Variants in MAN1A2 observed in about 807,000 individuals in gnomAD.
MAN1A2 encodes mannosidase alpha class 1A member 2.
Under a neutral mutation model 75.7 loss-of-function variants are expected in MAN1A2, and 26 were observed. The observed-to-expected ratio is 0.34, with a 90% CI of 0.25 to 0.48. The LOEUF is 0.48. MAN1A2 is among the 20% of genes least tolerant of loss of function. The probability of loss-of-function intolerance (pLI) is 0.99; values close to 1 mark genes in which losing one functional copy is unlikely to be tolerated. For missense variants in MAN1A2, 562 were observed against 775.5 expected, an observed-to-expected ratio of 0.72 and a Z score of 3.27; for synonymous variants, 247 against 264.6, an observed-to-expected ratio of 0.93 and a Z score of 0.65.
At chr1:117,446,381 C>G (rs566729604) in intron 6 of MAN1A2, among the ~76,000 whole-genome samples, 1 of 152,060 alleles carries the variant, frequency 6.6e-6, no homozygotes, top group East Asian at 1.9e-4. Flanking sequence ...CTACACTGAT[C>G]TTATATCTTT....
At chr1:117,456,238 C>G (rs1234213288) in intron 6 of MAN1A2, among the ~76,000 whole-genome samples, 1 of 151,840 alleles carries the variant, frequency 6.6e-6, no homozygotes, top group Non-Finnish European at 1.5e-5. Flanking sequence ...ATTTGGTAGT[C>G]CATAAGGTAA....
At chr1:117,486,338 G>T (rs1650699861) in intron 8 of MAN1A2, among the ~76,000 whole-genome samples, 1 of 151,876 alleles carries the variant, frequency 6.6e-6, no homozygotes, top group Non-Finnish European at 1.5e-5. Flanking sequence ...TGGGATACAT[G>T]GAAGGTATTG....
chr1:117,429,762 A>AC (rs1268505679), intron 5 of MAN1A2, among the ~76,000 whole-genome samples: 58 of 64,432 alleles, frequency 9.0e-4, no homozygotes, highest in African/African-American at 3.5e-3. Context: ...CGGGGGGCTG[A>AC]CCCCCCCACC....
chr1:117,516,936 G>A (rs1205690870), intron 12 of MAN1A2, among the ~76,000 whole-genome samples: 3 of 152,142 alleles, frequency 2.0e-5, no homozygotes, highest in Non-Finnish European at 4.4e-5. Flanking sequence ...TACCTGAGGT[G>A]AGGGAAAGAA....
intron 1 of MAN1A2, among the ~76,000 whole-genome samples, chr1:117,370,998 A>G (rs1295205289): frequency 6.6e-6 from 1 of 151,950 alleles, no homozygotes; most frequent in Admixed American, 6.6e-5. Flanking sequence ...AAATTTTAAA[A>G]CTCTATATTG....
chr1:117,462,068 G>A (rs773172387), intron 7 of MAN1A2, among the ~76,000 whole-genome samples: 2 of 152,054 alleles, frequency 1.3e-5, no homozygotes, highest in African/African-American at 2.4e-5. Flanking sequence ...AACAAGTGTC[G>A]CACTGTGGAT....
chr1:117,452,198 T>C (rs896426844), intron 6 of MAN1A2, among the ~76,000 whole-genome samples: 7 of 151,694 alleles, frequency 4.6e-5, no homozygotes, highest in African/African-American at 1.7e-4. Flanking sequence ...TCCCAGCTAC[T>C]TGGGAGGTTG....
At chr1:117,437,044 C>A (rs546771640) in intron 5 of MAN1A2, among the ~76,000 whole-genome samples, 2 of 152,082 alleles carry the variant, frequency 1.3e-5, no homozygotes, top group Non-Finnish European at 2.9e-5. Flanking sequence ...TTTGCAGTGA[C>A]CTTCACTTGG....
At chr1:117,408,305 A>G (rs945839488) in intron 3 of MAN1A2, among the ~76,000 whole-genome samples, 15 of 146,988 alleles carry the variant, frequency 1.0e-4, no homozygotes, top group Admixed American at 6.7e-4. Context: ...TTTCTCTTAA[A>G]AAAAAAAAAA....
intron 6 of MAN1A2, among the ~76,000 whole-genome samples, chr1:117,444,662 A>G (rs936098955): frequency 2.0e-5 from 3 of 151,966 alleles, no homozygotes; most frequent in Non-Finnish European, 4.4e-5. Context: ...TTGGGCATGT[A>G]GATTTGCTTT....
intron 8 of MAN1A2, among the ~76,000 whole-genome samples, chr1:117,490,559 A>G (rs975460901): frequency 2.0e-5 from 3 of 152,068 alleles, no homozygotes; most frequent in Non-Finnish European, 2.9e-5. Context: ...AGGCCAGTTA[A>G]TAACCCTATA....
chr1:117,373,919 T>A (rs957189383), intron 1 of MAN1A2, among the ~76,000 whole-genome samples: 2 of 152,180 alleles, frequency 1.3e-5, no homozygotes, highest in African/African-American at 4.8e-5. Flanking sequence ...TAATTGATTT[T>A]TTTTTTTAAG....
chr1:117,463,520 CA>C (rs1248313171), intron 7 of MAN1A2, among the ~76,000 whole-genome samples: 6 of 24,532 alleles, frequency 2.4e-4, no homozygotes, highest in Non-Finnish European at 7.2e-4. Flanking sequence ...CACACACATA[CA>C]CACACACACA....
Position 117,421,626 on chromosome 1 carries a change from C to CT in MAN1A2, c.855+987dup, listed in dbSNP as rs576429295. Among the ~76,000 whole-genome samples, 169 of 145,220 alleles carry CT rather than the reference C, an allele frequency of 1.2e-3. 1 individual carries two copies. The highest frequency in any genetic ancestry group is 2.4e-3 in the South Asian group (11 of 4,534). On this transcript the variant is annotated intron_variant, in intron 5 of 12. Transcript: ENST00000356554. ...AAAGAGTGAGCTATTTATGTACTAC[C>CT]TTTTTTTTTTAGAAGAAATATGTTT...
intron 5 of MAN1A2, among the ~76,000 whole-genome samples, chr1:117,428,100 TC>T (rs1377759685): frequency 6.7e-6 from 1 of 149,988 alleles, no homozygotes; most frequent in East Asian, 1.9e-4. Context: ...AATCTCTCTC[TC>T]TCTCTCTCTC....
chr1:117,488,243 AC>A (rs1164852419), intron 8 of MAN1A2, among the ~76,000 whole-genome samples: 3 of 150,382 alleles, frequency 2.0e-5, no homozygotes, highest in Non-Finnish European at 4.4e-5. Flanking sequence ...ACAGAGTCTC[AC>A]GTTATTGCCC....
intron 5 of MAN1A2, among the ~76,000 whole-genome samples, chr1:117,430,215 C>A (rs2101796158): frequency 8.9e-6 from 1 of 111,734 alleles, no homozygotes; most frequent in African/African-American, 3.7e-5. Flanking sequence ...GGGGCTGACC[C>A]CCCCACCTCC....
intron 1 of MAN1A2, among the ~76,000 whole-genome samples, chr1:117,383,302 C>T (rs1653415205): frequency 6.6e-6 from 1 of 152,168 alleles, no homozygotes; most frequent in African/African-American, 2.4e-5. Context: ...CCTTGCATTT[C>T]TGGGATAAAG....
chr1:117,415,190 G>T (rs906052121), intron 4 of MAN1A2, among the ~76,000 whole-genome samples: 1 of 151,998 alleles, frequency 6.6e-6, no homozygotes, highest in Non-Finnish European at 1.5e-5. Context: ...CTTGGTGTGC[G>T]ACTTGAGAAA....
Sources: allele counts gnomAD v4.1 joint callset (sites outside exome capture counted in the v4.1 genomes callset), GRCh38; gene constraint gnomAD v4.1.1; transcripts MANE v1.5; gene names NCBI Gene and HGNC (gene_info 2026-07-23, HGNC 2026-07-21).